Variants in ITGA7 observed in about 807,000 individuals in gnomAD.
The protein encoded by ITGA7 is integrin subunit alpha 7, also known as integrin alpha-7.
A neutral mutation model predicts 131.6 loss-of-function variants in ITGA7; 84 were observed. The observed-to-expected ratio is 0.64, with a 90% CI of 0.54 to 0.77. ITGA7 has a LOEUF of 0.77. Ranked by LOEUF, ITGA7 falls within the 30% of genes least tolerant of loss-of-function variation. The pLI, the probability that ITGA7 is intolerant of heterozygous loss-of-function variation, is 0.00. For synonymous variants in ITGA7, 548 were observed against 600.7 expected, an observed-to-expected ratio of 0.91 and a Z score of 1.28; for missense variants, 1,399 against 1,482.9, an observed-to-expected ratio of 0.94 and a Z score of 0.93.
chr12:55,706,051 GCTCTGGGAGA>G (rs1378588996), intron 1 of ITGA7, among the ~76,000 whole-genome samples: 1 of 152,236 alleles, frequency 6.6e-6, no homozygotes, highest in African/African-American at 2.4e-5. Flanking sequence ...CCCCAGCTTG[GCTCTGGGAGA>G]CGGAACCAGG....
chr12:55,687,487 C>CTTTTTTT (rs34640494), intron 24 of ITGA7, among the ~76,000 whole-genome samples: 3 of 59,606 alleles, frequency 5.0e-5, no homozygotes, highest in Admixed American at 2.5e-4. Flanking sequence ...CCATGCCCGG[C>CTTTTTTT]TTTTTTTTTT....
chr12:55,687,493 T>C (rs1187087116), intron 24 of ITGA7, among the ~76,000 whole-genome samples: 4 of 137,930 alleles, frequency 2.9e-5, no homozygotes, highest in Non-Finnish European at 6.2e-5. Flanking sequence ...CCGGCTTTTT[T>C]TTTTTTTTTT....
upstream of ITGA7, among the ~76,000 whole-genome samples, chr12:55,713,839 A>G (rs1312085396): frequency 1.3e-5 from 2 of 152,214 alleles, no homozygotes; most frequent in Non-Finnish European, 2.9e-5. Context: ...TTCTGCAAAT[A>G]GTTGAATGAA....
At chr12:55,703,370 G>A (rs908656972) in intron 1 of ITGA7, among the ~76,000 whole-genome samples, 192 bp from the exon 2 acceptor site, 6 of 151,754 alleles carry the variant, frequency 4.0e-5, no homozygotes, top group Non-Finnish European at 8.8e-5. Context: ...CAGTCATCAC[G>A]TTGCATGTAC....
At chr12:55,698,184 C>A in intron 7 of ITGA7, 158 bp from the exon 8 acceptor site, 1 of 846,502 alleles carries the variant, frequency 1.2e-6, no homozygotes, top group South Asian at 1.6e-5. Flanking sequence ...TCCTCTTGGC[C>A]ACTCCCTGCA....
At position 55,684,640 on chromosome 12, in the gene ITGA7, T is replaced by C. The variant is rs146354904; in HGVS notation, c.*418A>G. 135 of 197,868 alleles carry C rather than the reference T, an allele frequency of 6.8e-4. No homozygotes were observed. The highest frequency in any genetic ancestry group is 2.9e-3 in the African/African-American group (124 of 43,028). The allele number at this position is 197,868 out of a possible 1,614,324, so 12.3% of individuals were successfully genotyped here. A position where few individuals can be genotyped will look rare whatever the true frequency, so the allele number is the denominator to read the frequency against. ...CTAGACTGATGGCAGCAAACTAAGG[T>C]CAGATGAGAGGGGAAACTAGAGAAG... On this transcript the variant is annotated 3_prime_UTR_variant, in exon 25 of 25. Transcript: ENST00000257879.
chr12:55,687,368 T>A (rs535098923), intron 24 of ITGA7, among the ~76,000 whole-genome samples: 1 of 150,518 alleles, frequency 6.6e-6, no homozygotes, highest in East Asian at 2.0e-4. Context: ...TTTGTATTTT[T>A]AACAGAGACA....
intron 19 of ITGA7, 21 bp from the exon 20 acceptor site, chr12:55,693,338 G>A: frequency 1.3e-6 from 2 of 1,597,064 alleles, no homozygotes; most frequent in East Asian, 4.5e-5. Context: ...AAGAGAGTAT[G>A]AGGGGAGAGA....
Position 55,685,137 on chromosome 12 carries a change from G to C in ITGA7, c.3335C>G (p.Pro1112Arg), listed in dbSNP as rs146183145. Residue 1112 changes from proline (P) to arginine (R), a missense_variant, in exon 25 of 25, where the codon CCG becomes CGG. Physicochemically the swap from Pro to Arg is moderately radical, Grantham distance 103. Transcript: ENST00000257879. ...AGCAGCCAGGATGGGGTGTGCATCCGGGCCCTCCCGCCGGGGGCTGCCCCA... is the reference window on the plus strand; with the variant it reads ...AGCAGCCAGGATGGGGTGTGCATCCCGGCCCTCCCGCCGGGGGCTGCCCCA... ...NNWGSPRREGPDAHPILAADG... is the reference protein window; with the variant it reads ...NNWGSPRREGRDAHPILAADG... The C allele has an allele frequency of 3.7e-6, 6 of 1,613,406 alleles. No homozygotes were observed. Among genetic ancestry groups the C allele is most frequent in the Non-Finnish European group, 5.1e-6 (6 of 1,180,002 alleles).
intron 4 of ITGA7, 43 bp downstream of exon 4, chr12:55,700,856 G>A (rs759494929): frequency 1.2e-6 from 2 of 1,613,694 alleles, no homozygotes; most frequent in East Asian, 4.5e-5. Flanking sequence ...TGAGGTAAGA[G>A]GAGGTTTTGG....
In ITGA7 at chr12:55,707,719, G is replaced by A; in HGVS notation, c.-37C>T. 1 of 1,552,702 alleles carries A rather than the reference G, an allele frequency of 6.4e-7. No individual in the cohort carries two copies. Among genetic ancestry groups the A allele is most frequent in the Non-Finnish European group, 8.7e-7 (1 of 1,147,716 alleles). On this transcript the variant is annotated 5_prime_UTR_variant, in exon 1 of 25. Transcript: ENST00000257879. ...TGCGCGAGCTCCCAGCGAATGCAAG[G>A]GAAATCTCGCACGCCCCAAGCCCCA...
At chr12:55,714,309 G>A (rs575343798), upstream of ITGA7, among the ~76,000 whole-genome samples, 9 of 151,970 alleles carry the variant, frequency 5.9e-5, no homozygotes, top group African/African-American at 1.9e-4. Flanking sequence ...TCAGGAGATC[G>A]AGACCATCCC....
chr12:55,706,825 C>T (rs913915770), intron 1 of ITGA7, among the ~76,000 whole-genome samples: 3 of 152,152 alleles, frequency 2.0e-5, no homozygotes, highest in Non-Finnish European at 4.4e-5. Flanking sequence ...ACAGCTGCTG[C>T]GGCTACTACT....
At chr12:55,700,199 G>A (rs1565633640) in intron 4 of ITGA7, 2 of 1,544,498 alleles carry the variant, frequency 1.3e-6, no homozygotes, top group South Asian at 1.2e-5. Flanking sequence ...GGAGCATGGA[G>A]AGAGAGGACA....
intron 21 of ITGA7, 76 bp downstream of exon 21, chr12:55,692,766 CAT>C (rs904145768): frequency 6.6e-7 from 1 of 1,517,530 alleles, no homozygotes; most frequent in Non-Finnish European, 8.9e-7. Flanking sequence ...CCCAGACCAT[CAT>C]GTGTCTCAAC....
intron 5 of ITGA7, 80 bp from the exon 6 acceptor site, chr12:55,698,997 GC>G: frequency 7.6e-6 from 10 of 1,316,848 alleles, no homozygotes; most frequent in Non-Finnish European, 5.3e-6. Flanking sequence ...CCCAGCCCCT[GC>G]CCCCTCCCTA....
chr12:55,695,522 A>G lies in ITGA7; in HGVS notation c.2003T>C (p.Met668Thr). 6.6e-7 allele frequency: 1 copy of G among 1,520,958 alleles called. No homozygotes were observed. The highest frequency in any genetic ancestry group is 9.0e-7 in the Non-Finnish European group (1 of 1,110,350). The allele number at this position is 1,520,958 out of a possible 1,614,324, so 94.2% of individuals were successfully genotyped here. A position where few individuals can be genotyped will look rare whatever the true frequency, so the allele number is the denominator to read the frequency against. ...CCACCCTGCTCTCTGCCCCCCTCAC[A>G]TGGGCAGAGGTTGGAATTCCGTGTC... ...VSDTEFQPLP[M>T]DVDGTTALFA... The change falls in exon 14 of 25, where the codon ATG becomes ACG. Residue 668 changes from methionine (M) to threonine (T), a missense_variant and splice_region_variant. Transcript: ENST00000257879.
At chr12:55,708,154 G>A, upstream of ITGA7, 1 of 524,076 alleles carries the variant, frequency 1.9e-6, no homozygotes, top group African/African-American at 2.1e-5. Flanking sequence ...GGGAGTGGTG[G>A]AGGCGGCGCC....
At chr12:55,707,394 G>A (rs1875427722) in intron 1 of ITGA7, 83 bp downstream of exon 1, 1 of 1,126,156 alleles carries the variant, frequency 8.9e-7, no homozygotes, top group Admixed American at 1.8e-5. Context: ...CTAGAAAACA[G>A]AGAAATGAGG....
Sources: allele counts gnomAD v4.1 joint callset (sites outside exome capture counted in the v4.1 genomes callset), GRCh38; gene constraint gnomAD v4.1.1; transcripts MANE v1.5; gene names NCBI Gene and HGNC (gene_info 2026-07-23, HGNC 2026-07-21).